EFCAB6: variants seen among roughly 807,000 people sequenced by gnomAD.
EFCAB6 encodes the protein EF-hand calcium-binding domain-containing protein 6.
In EFCAB6, 156 loss-of-function variants were observed where a neutral mutation model predicts 169.8. That is an observed-to-expected ratio of 0.92 (90% CI 0.81 to 1.05). The LOEUF (loss-of-function observed/expected upper bound fraction) is 1.05. EFCAB6 is among the 50% of genes least tolerant of loss of function. The probability of loss-of-function intolerance (pLI) is 0.00; values close to 1 mark genes in which losing one functional copy is unlikely to be tolerated. For missense variants in EFCAB6, 1,800 were observed against 1,829.1 expected, an observed-to-expected ratio of 0.98 and a Z score of 0.29; for synonymous variants, 698 against 676.4, an observed-to-expected ratio of 1.03 and a Z score of -0.50.
chr22:43,637,955 T>C (rs2055535989), intron 17 of EFCAB6, among the ~76,000 whole-genome samples: 1 of 152,236 alleles, frequency 6.6e-6, no homozygotes, highest in Non-Finnish European at 1.5e-5. Context: ...TAAGGAAATG[T>C]CTGCAGGCAA....
At chr22:43,731,014 G>C (rs2059928635) in intron 8 of EFCAB6, among the ~76,000 whole-genome samples, 1 of 152,134 alleles carries the variant, frequency 6.6e-6, no homozygotes, top group African/African-American at 2.4e-5. Context: ...TAAAGCACTA[G>C]ACCACTGAGG....
chr22:43,540,583 C>T, intron 27 of EFCAB6: 2 of 1,478,194 alleles, frequency 1.4e-6, no homozygotes, highest in Non-Finnish European at 1.8e-6. Context: ...ATGGCTTCTG[C>T]AGGACATTTT....
intron 10 of EFCAB6, among the ~76,000 whole-genome samples, chr22:43,698,765 A>G (rs2147250373): frequency 6.6e-6 from 1 of 152,300 alleles, no homozygotes; most frequent in African/African-American, 2.4e-5. Flanking sequence ...CCAGGTGAAC[A>G]ATGCTGCCCA....
chr22:43,537,618 C>T lies in EFCAB6; in HGVS notation c.3880-73G>A. 1 of 1,498,742 alleles carries T rather than the reference C, an allele frequency of 6.7e-7. No homozygotes were observed. Among genetic ancestry groups the T allele is most frequent in the Admixed American group, 2.2e-5 (1 of 44,700 alleles). The allele number at this position is 1,498,742 out of a possible 1,614,324, so 92.8% of individuals were successfully genotyped here. A position where few individuals can be genotyped will look rare whatever the true frequency, so the allele number is the denominator to read the frequency against. ...GGAAGTCATCAAAAATACCTCAATA[C>T]CTCCAGTTTTGAGGTTCACAATTTT... On this transcript the variant is annotated intron_variant, in intron 28 of 31. Coordinates refer to ENST00000262726, the MANE Select transcript of EFCAB6 (RefSeq NM_022785.4). The surrounding 1 kb of genome is among the most constrained non-coding windows in gnomAD (Gnocchi z 4.3).
At chr22:43,755,014 G>T (rs953221721) in intron 6 of EFCAB6, among the ~76,000 whole-genome samples, 2 of 152,198 alleles carry the variant, frequency 1.3e-5, no homozygotes, top group Non-Finnish European at 2.9e-5. Context: ...AATGGTATCA[G>T]CTAGGGAAAT....
chr22:43,717,934 T>A (rs2059390234), intron 8 of EFCAB6, among the ~76,000 whole-genome samples: 1 of 152,182 alleles, frequency 6.6e-6, no homozygotes, highest in African/African-American at 2.4e-5. Flanking sequence ...CAAAGATACG[T>A]GTCTAAATTA....
chr22:43,631,192 C>T lies in EFCAB6; in HGVS notation c.2232+913G>A, dbSNP rs555806251. 7.3e-4 allele frequency among the ~76,000 whole-genome samples: 111 copies of T among 151,806 alleles called. 1 individual carries two copies. Among genetic ancestry groups the T allele is most frequent in the African/African-American group, 2.7e-3 (110 of 41,200 alleles). ...TCTCCATTCTGCCTCTGGATGTGTT[C>T]CCTCCACCCACGGGGTGAGGATGCA... On this transcript the variant is annotated intron_variant, in intron 19 of 31. Transcript: ENST00000262726.
chr22:43,654,131 T>G (rs903131104), intron 17 of EFCAB6, among the ~76,000 whole-genome samples: 3 of 152,176 alleles, frequency 2.0e-5, no homozygotes, highest in Non-Finnish European at 4.4e-5. Context: ...ATCTTATACC[T>G]ATTTAAAGGA....
rs2048594557 is a variant in EFCAB6 at position 43,554,713 on chromosome 22, T to C, written c.3648+156A>G. The C allele has an allele frequency of 2.0e-5, 13 of 653,906 alleles. No homozygotes were observed. The South Asian group carries it at 2.4e-4, about 12-fold the overall frequency. 40.5% of individuals were successfully genotyped at this position (653,906 alleles called of 1,614,324 possible). A position where few individuals can be genotyped will look rare whatever the true frequency, so the allele number is the denominator to read the frequency against. On this transcript the variant is annotated intron_variant, in intron 27 of 31. Coordinates refer to ENST00000262726, the MANE Select transcript of EFCAB6 (RefSeq NM_022785.4). The stretch of plus-strand genomic sequence containing the variant: ...TTATAGTTGTTACATAAACAGAAGA[T>C]TCCTGTGAATCTTCAGGAAGATTGA...
At chr22:43,565,083 C>T (rs545999704) in intron 26 of EFCAB6, among the ~76,000 whole-genome samples, 4 of 152,190 alleles carry the variant, frequency 2.6e-5, no homozygotes, top group South Asian at 2.1e-4. Context: ...CTTTGGATTC[C>T]GCCATATGTC....
intron 21 of EFCAB6, 59 bp downstream of exon 21, chr22:43,615,767 T>C: frequency 6.9e-7 from 1 of 1,452,206 alleles, no homozygotes; most frequent in South Asian, 1.2e-5. Context: ...ATCATCCCAG[T>C]GATCTTGAAA....
intron 24 of EFCAB6, among the ~76,000 whole-genome samples, chr22:43,586,621 A>T (rs1316561034): frequency 1.3e-5 from 2 of 152,078 alleles, no homozygotes; most frequent in East Asian, 3.9e-4. Context: ...TGAGAATAAG[A>T]CTTCCAGTTA....
intron 17 of EFCAB6, among the ~76,000 whole-genome samples, chr22:43,637,015 G>A (rs2055453268): frequency 2.0e-5 from 3 of 152,164 alleles, no homozygotes; most frequent in South Asian, 4.1e-4. Context: ...ATGGCCCAGG[G>A]GGAGCGGCAA....
chr22:43,643,735 C>T (rs1161412568), intron 17 of EFCAB6, among the ~76,000 whole-genome samples: 1 of 152,212 alleles, frequency 6.6e-6, no homozygotes, highest in Non-Finnish European at 1.5e-5. Flanking sequence ...ATGTTTGGAA[C>T]AGGTCTACAG....
At chr22:43,647,087 T>C (rs936889161) in intron 17 of EFCAB6, among the ~76,000 whole-genome samples, 10 of 151,810 alleles carry the variant, frequency 6.6e-5, no homozygotes, top group Admixed American at 3.3e-4. Context: ...TACGGGAACT[T>C]TGTAGTTTCC....
At chr22:43,534,110 C>T (rs561136043) in intron 30 of EFCAB6, among the ~76,000 whole-genome samples, 1 of 152,258 alleles carries the variant, frequency 6.6e-6, no homozygotes, top group South Asian at 2.1e-4. Context: ...GTGTCTCCAC[C>T]CAAATCTCTT....
intron 10 of EFCAB6, among the ~76,000 whole-genome samples, chr22:43,689,349 G>GCACAAACACACA (rs375566793): frequency 2.7e-4 from 40 of 147,070 alleles, no homozygotes; most frequent in African/African-American, 3.3e-4. Context: ...GAGAGCACGT[G>GCACAAACACACA]CACACACACA....
At chr22:43,644,890 A>C (rs923175345) in intron 17 of EFCAB6, among the ~76,000 whole-genome samples, 1 of 152,236 alleles carries the variant, frequency 6.6e-6, no homozygotes, top group African/African-American at 2.4e-5. Context: ...TTACTGTGAA[A>C]ATAAGAAAAT....
chr22:43,772,855 G>A (rs372491338), intron 4 of EFCAB6, 37 bp downstream of exon 4: 236 of 1,607,336 alleles, frequency 1.5e-4, no homozygotes, highest in Non-Finnish European at 2.0e-4. Flanking sequence ...AGCTTGTCTG[G>A]AATTGAGGGA....
Sources: gnomAD v4.1 joint callset for allele counts (sites outside exome capture counted in the v4.1 genomes callset) on GRCh38, gnomAD v4.1.1 for gene constraint, Gnocchi (gnomAD v3.1) non-coding constraint, MANE v1.5 for transcripts, NCBI Gene and HGNC (gene_info 2026-07-23, HGNC 2026-07-21) for gene names.